Variants in CLNK observed in about 807,000 individuals in gnomAD.
CLNK encodes cytokine dependent hematopoietic cell linker, also known as cytokine-dependent hematopoietic cell linker.
CLNK carries 74 observed loss-of-function variants against 68.6 expected under a neutral mutation model. That is an observed-to-expected ratio of 1.08 (90% CI 0.89 to 1.31). CLNK has a LOEUF of 1.31. Ranked by LOEUF, CLNK falls within the 50% of genes most tolerant of loss-of-function variation. The pLI, the probability that CLNK is intolerant of heterozygous loss-of-function variation, is 0.00. For synonymous variants in CLNK, 198 were observed against 172.2 expected (o/e 1.15, Z -1.17); for missense variants, 553 against 515.3 (o/e 1.07, Z -0.71).
chr4:10,509,278 C>T (rs769110807), intron 16 of CLNK, among the ~76,000 whole-genome samples: 5 of 152,102 alleles, frequency 3.3e-5, no homozygotes, highest in African/African-American at 4.8e-5. Flanking sequence ...GTGATGGACA[C>T]CACATGATCT....
intron 2 of CLNK, among the ~76,000 whole-genome samples, chr4:10,628,689 G>A (rs1389108915): frequency 6.6e-6 from 1 of 152,168 alleles, no homozygotes; most frequent in African/African-American, 2.4e-5. Context: ...TTGGGGCTCA[G>A]AAACCGATAC....
At chr4:10,722,773 G>A in the CLNK span, among the ~76,000 whole-genome samples, 6 of 152,198 alleles carry the variant, frequency 3.9e-5, no homozygotes, top group Non-Finnish European at 1.5e-5. Flanking sequence ...TAGACGGCAG[G>A]GCGTGGTGGC....
intron 1 of CLNK, among the ~76,000 whole-genome samples, chr4:10,682,313 T>A (rs10516206): frequency 6.6e-6 from 1 of 151,954 alleles, no homozygotes; most frequent in South Asian, 2.1e-4. Context: ...TTTATGTTTC[T>A]TTGTCATGCT....
chr4:10,520,736 A>G (rs900261390), intron 15 of CLNK, 55 bp downstream of exon 15: 18 of 1,357,354 alleles, frequency 1.3e-5, no homozygotes, highest in Middle Eastern at 1.8e-4. Context: ...CAGTGCCACA[A>G]TATCACAGTA....
intron 2 of CLNK, among the ~76,000 whole-genome samples, chr4:10,637,013 G>A (rs960898284): frequency 1.3e-5 from 2 of 152,232 alleles, no homozygotes; most frequent in African/African-American, 4.8e-5. Flanking sequence ...TGTGCACACA[G>A]GTGTTGCAGT....
chr4:10,597,679 G>A (rs1721437069), intron 3 of CLNK, among the ~76,000 whole-genome samples: 1 of 152,134 alleles, frequency 6.6e-6, no homozygotes, highest in Admixed American at 6.5e-5. Context: ...AGGAATAGAA[G>A]CCTCTCCATC....
At chr4:10,729,823 G>A in the CLNK span, among the ~76,000 whole-genome samples, 1 of 152,114 alleles carries the variant, frequency 6.6e-6, no homozygotes, top group African/African-American at 2.4e-5. Context: ...ATATTTACTT[G>A]ACCACGTTTC....
At chr4:10,491,134 A>G (rs1716554145) in intron 18 of CLNK, among the ~76,000 whole-genome samples, 2 of 152,238 alleles carry the variant, frequency 1.3e-5, no homozygotes, top group Non-Finnish European at 2.9e-5. Context: ...AAGAGAGAAA[A>G]AAATTCTTGA....
intron 2 of CLNK, among the ~76,000 whole-genome samples, chr4:10,603,682 G>A (rs935775495): frequency 3.3e-5 from 5 of 152,242 alleles, no homozygotes; most frequent in Admixed American, 3.3e-4. Flanking sequence ...GCCCCCACGG[G>A]GAATGAGGGC....
chr4:10,517,542 C>A (rs995400007), intron 15 of CLNK: 1 of 152,160 alleles, frequency 6.6e-6, no homozygotes, highest in Non-Finnish European at 1.5e-5. Context: ...TGTACTAATA[C>A]ACAATAAAAT....
intron 8 of CLNK, among the ~76,000 whole-genome samples, chr4:10,545,466 G>C (rs554939906): frequency 2.6e-5 from 4 of 152,026 alleles, no homozygotes; most frequent in African/African-American, 7.3e-5. Context: ...CCAAGGCCTC[G>C]GGACACCCCA....
At chr4:10,513,813 A>C (rs1410934387) in intron 15 of CLNK, among the ~76,000 whole-genome samples, 5 of 146,510 alleles carry the variant, frequency 3.4e-5, no homozygotes, top group Admixed American at 6.8e-5. Context: ...GGGCTCCCAG[A>C]GTCATCTTTT....
chr4:10,508,112 T>C, intron 16 of CLNK, 76 bp from the exon 17 acceptor site: 1 of 1,175,832 alleles, frequency 8.5e-7, no homozygotes, highest in Non-Finnish European at 1.2e-6. Context: ...ATTCAAAATT[T>C]ACTTTTGCTC....
chr4:10,605,947 G>T (rs1393552899), intron 2 of CLNK, among the ~76,000 whole-genome samples: 2 of 152,068 alleles, frequency 1.3e-5, no homozygotes, highest in Non-Finnish European at 2.9e-5. Context: ...GTCAGTGAGT[G>T]AGTGGTGGGT....
intron 2 of CLNK, chr4:10,635,989 T>C (rs1170355425): frequency 6.6e-6 from 1 of 152,224 alleles, no homozygotes; most frequent in Non-Finnish European, 1.5e-5. Flanking sequence ...TGCAAACCAC[T>C]AACTCCTGCC....
rs72173722 is a variant in CLNK, at chr4:10,489,669, CTTT to C, written c.*795_*797del. On this transcript the variant is annotated 3_prime_UTR_variant, in exon 19 of 19. Transcript: ENST00000226951. The stretch of plus-strand genomic sequence containing the variant: ...GAGCTAATATTCACCAACCCAACAC[CTTT>C]TTTTTTTTTTGAGACGGAGTCTCTC... 1.6e-5 allele frequency: 1 copy of C among 62,328 alleles called. No homozygotes were observed. The highest frequency in any genetic ancestry group is 3.9e-5 in the African/African-American group (1 of 25,494). 3.9% of individuals were successfully genotyped at this position (62,328 alleles called of 1,614,324 possible). A position where few individuals can be genotyped will look rare whatever the true frequency, so the allele number is the denominator to read the frequency against.
intron 2 of CLNK, among the ~76,000 whole-genome samples, chr4:10,651,776 C>T (rs1352109453): frequency 6.6e-6 from 1 of 151,876 alleles, no homozygotes; most frequent in South Asian, 2.1e-4. Flanking sequence ...GATCAGAATT[C>T]AAGTGTTGAA....
chr4:10,504,215 G>A (rs1391750588), intron 17 of CLNK, among the ~76,000 whole-genome samples: 1 of 146,586 alleles, frequency 6.8e-6, no homozygotes, highest in Non-Finnish European at 1.5e-5. Context: ...CCGCCTCCTG[G>A]GTTCACGCCG....
At chr4:10,626,658 T>C (rs1722687956) in intron 2 of CLNK, among the ~76,000 whole-genome samples, 2 of 152,234 alleles carry the variant, frequency 1.3e-5, no homozygotes, top group Admixed American at 6.5e-5. Flanking sequence ...TACTAATTTT[T>C]TGGTAAAAAA....
Sources: gnomAD v4.1 joint callset for allele counts (sites outside exome capture counted in the v4.1 genomes callset) on GRCh38, gnomAD v4.1.1 for gene constraint, MANE v1.5 for transcripts, NCBI Gene and HGNC (gene_info 2026-07-23, HGNC 2026-07-21) for gene names.